The following GPATCH2L variants were observed in gnomAD, a reference collection of about 807,000 sequenced individuals.
GPATCH2L encodes the protein G patch domain-containing protein 2-like.
GPATCH2L carries 31 observed loss-of-function variants against 57.4 expected under a neutral mutation model. The ratio of observed to expected loss-of-function variants is 0.54; its 90% CI spans 0.41 to 0.73. GPATCH2L has a LOEUF of 0.73. Among genes scored for constraint, GPATCH2L ranks in the 30% least tolerant of loss-of-function variants. GPATCH2L has a pLI of 0.00. For synonymous variants in GPATCH2L, 199 were observed against 210.7 expected, an observed-to-expected ratio of 0.94 and a Z score of 0.48; for missense variants, 481 against 599.9, an observed-to-expected ratio of 0.80 and a Z score of 2.07.
Position 76,154,885 on chromosome 14 carries a change from T to C in GPATCH2L, c.522T>C (p.Asn174=). The change falls in exon 2 of 10, where the codon AAT becomes AAC. Residue 174 remains asparagine, a synonymous_variant. Coordinates refer to ENST00000261530, the MANE Select transcript of GPATCH2L (RefSeq NM_017926.4). The surrounding 1 kb of genome is among the most constrained non-coding windows in gnomAD (Gnocchi z 4.4). ...AGCGTCTGTCCCGCTGGAAGGAGAA[T>C]ACTCCCTGGACCTCATCAGGCCACG... The part of the protein sequence containing the change: ...KKQRLSRWKE[N]TPWTSSGHGL... 1 of 1,614,188 alleles carries C rather than the reference T, an allele frequency of 6.2e-7. No homozygotes were observed. Among genetic ancestry groups the C allele is most frequent in the Non-Finnish European group, 8.5e-7 (1 of 1,180,014 alleles).
intron 2 of GPATCH2L, among the ~76,000 whole-genome samples, chr14:76,233,431 T>A (rs989470464): frequency 1.3e-5 from 2 of 152,214 alleles, no homozygotes; most frequent in Non-Finnish European, 2.9e-5. Flanking sequence ...GGGAAAATAC[T>A]TGCCCATCTT....
At chr14:76,225,912 T>C (rs2040534714) in intron 1 of GPATCH2L, among the ~76,000 whole-genome samples, 1 of 152,182 alleles carries the variant, frequency 6.6e-6, no homozygotes, top group Non-Finnish European at 1.5e-5. Context: ...CCCAATGCGA[T>C]ATTACTACAT....
chr14:76,225,330 G>A (rs1353766294), intron 1 of GPATCH2L, among the ~76,000 whole-genome samples: 3 of 152,070 alleles, frequency 2.0e-5, no homozygotes, highest in Non-Finnish European at 4.4e-5. Context: ...CTTAACTGAG[G>A]ACAAAGGTAA....
rs911057553 is a variant in GPATCH2L, at chr14:76,213,531, C to T, written c.*11680C>T. The T allele has an allele frequency of 5.3e-5, 8 of 151,970 alleles. No individual in the cohort carries two copies. The highest frequency in any genetic ancestry group is 1.0e-4 in the Non-Finnish European group (7 of 67,994). The allele number at this position is 151,970 out of a possible 1,614,324, so 9.4% of individuals were successfully genotyped here. ...CATGGAATGGAATTTATTGTAAAGA[C>T]GTGTATTTTATAGAATCCAAGCAAA... is the stretch of plus-strand genomic sequence containing the variant. On this transcript the variant is annotated 3_prime_UTR_variant, in exon 10 of 10. Coordinates refer to ENST00000261530, the MANE Select transcript of GPATCH2L (RefSeq NM_017926.4).
intron 2 of GPATCH2L, among the ~76,000 whole-genome samples, chr14:76,156,714 A>G (rs976873233): frequency 1.3e-5 from 2 of 152,188 alleles, no homozygotes; most frequent in Non-Finnish European, 2.9e-5. Context: ...GCCTTTTGGG[A>G]TAGTAGCTTT....
chr14:76,189,195 G>A (rs2039876886), intron 8 of GPATCH2L, among the ~76,000 whole-genome samples: 1 of 151,960 alleles, frequency 6.6e-6, no homozygotes, highest in African/African-American at 2.4e-5. Context: ...TGGGTCTCTT[G>A]TGGCTGCATA....
intron 2 of GPATCH2L, among the ~76,000 whole-genome samples, chr14:76,162,157 T>C (rs2038619392): frequency 6.6e-6 from 1 of 152,174 alleles, no homozygotes; most frequent in African/African-American, 2.4e-5. Flanking sequence ...ATAGTCTAAC[T>C]GTTGGCAGGG....
intron 3 of GPATCH2L, among the ~76,000 whole-genome samples, chr14:76,168,122 C>T (rs1020802775): frequency 3.3e-5 from 5 of 152,344 alleles, no homozygotes; most frequent in Admixed American, 1.3e-4. Flanking sequence ...GCGTTCTCAA[C>T]GTAAAGCTAT....
In GPATCH2L at chr14:76,180,766, C is replaced by G. The variant is rs756638412; in HGVS notation, c.1110C>G (p.Phe370Leu). The G allele has an allele frequency of 3.1e-6, 5 of 1,606,664 alleles. 1 individual carries two copies. The South Asian group carries it at 5.5e-5, about 18-fold the overall frequency. ...FPHISACAHE[F>L]NPLSPLYSLD... ...AATAGTCTTATTCATTCCTGCAGTT[C>G]AATCCCCTGTCTCCCCTTTACTCCC... The change falls in exon 8 of 10, where the codon TTC (phenylalanine) becomes TTG (leucine). Residue 370 changes from phenylalanine to leucine, a missense_variant and splice_region_variant. This residue lies in a region of GPATCH2L where 248 missense variants were observed against 270.5 expected (regional missense o/e 0.92). Transcript: ENST00000261530.
chr14:76,221,144 A>G (rs2040513332), intron 1 of GPATCH2L, among the ~76,000 whole-genome samples: 2 of 152,136 alleles, frequency 1.3e-5, no homozygotes, highest in East Asian at 3.9e-4. Flanking sequence ...AAACTGTAAA[A>G]AGAACTCTTA....
rs142014715 is a variant in GPATCH2L, at chr14:76,189,785, A to G, written c.1194-6093A>G. On this transcript the variant is annotated intron_variant, in intron 8 of 9. Transcript: ENST00000261530. ...GCATCCTTATCATGTTCCATATCTT[A>G]GAAGAGAGGCCTTTCAGTTTTTCCC... 4.9e-3 allele frequency among the ~76,000 whole-genome samples: 742 copies of G among 152,222 alleles called. 9 individuals are homozygous for G. The highest frequency in any genetic ancestry group is 0.017 in the African/African-American group (693 of 41,520).
In GPATCH2L at chr14:76,190,522, TG is replaced by T. The variant is rs539645491; in HGVS notation, c.1194-5355del. ...GCGTATACCCCAGGTTTCGCTGGCC[TG>T]AGTGAAGATTGTCCCTGAGGCCCTG... On this transcript the variant is annotated intron_variant, in intron 8 of 9. Transcript: ENST00000261530. Among the ~76,000 whole-genome samples the T allele has an allele frequency of 3.9e-5, 6 of 152,280 alleles. No individual in the cohort carries two copies. In the South Asian group the frequency reaches 1.2e-3, roughly 32 times the overall value.
rs1171611848 is a variant in GPATCH2L at position 76,214,215 on chromosome 14, A to G, written c.*12364A>G. The G allele has an allele frequency of 6.6e-6, 1 of 152,214 alleles. No individual in the cohort carries two copies. Among genetic ancestry groups the G allele is most frequent in the Non-Finnish European group, 1.5e-5 (1 of 68,030 alleles). The allele number at this position is 152,214 out of a possible 1,614,324, so 9.4% of individuals were successfully genotyped here. On this transcript the variant is annotated 3_prime_UTR_variant, in exon 10 of 10. Transcript: ENST00000261530. ...AAATGTGGTGTCATCCTATCCAAGA[A>G]TAGGAGATGTATTTCCATTTATTCA...
intron 9 of GPATCH2L, chr14:76,196,256 G>A: frequency 1.6e-6 from 1 of 612,364 alleles, no homozygotes; most frequent in Non-Finnish European, 2.9e-6. Context: ...AGGAAATTAG[G>A]TCCATGTTAA....
chr14:76,195,626 A>T (rs907976828), intron 8 of GPATCH2L, among the ~76,000 whole-genome samples: 12 of 152,216 alleles, frequency 7.9e-5, no homozygotes, highest in African/African-American at 2.9e-4. Context: ...AATGCAACAC[A>T]TATTTATTGA....
At chr14:76,234,431 G>A (rs565164743) in intron 2 of GPATCH2L, 1 of 152,310 alleles carries the variant, frequency 6.6e-6, no homozygotes, top group African/African-American at 2.4e-5. Context: ...TGTGGCAAAG[G>A]TGATGAGATG....
intron 2 of GPATCH2L, among the ~76,000 whole-genome samples, chr14:76,165,341 A>T (rs182699430): frequency 6.6e-6 from 1 of 151,946 alleles, no homozygotes; most frequent in East Asian, 1.9e-4. Context: ...AAAATACAAA[A>T]ATTAGCTGGG....
At chr14:76,227,141 C>T (rs1261714785) in intron 1 of GPATCH2L, among the ~76,000 whole-genome samples, 1 of 152,118 alleles carries the variant, frequency 6.6e-6, no homozygotes, top group African/African-American at 2.4e-5. Context: ...CCTTGAGGGC[C>T]CATGGCATTT....
chr14:76,163,496 C>G lies in GPATCH2L; in HGVS notation c.663-3167C>G, dbSNP rs562895218. 7.9e-5 allele frequency among the ~76,000 whole-genome samples: 12 copies of G among 152,210 alleles called. No homozygotes were observed. In the South Asian group the frequency reaches 2.5e-3, roughly 32 times the overall value. On this transcript the variant is annotated intron_variant, in intron 2 of 9. Coordinates refer to ENST00000261530, the MANE Select transcript of GPATCH2L (RefSeq NM_017926.4). ...CAGGAAAAATAATAGATTTCATAGGCCACATTTTGTTTTTCCATTTAAAAT... is the reference window on the plus strand; with the variant it reads ...CAGGAAAAATAATAGATTTCATAGGGCACATTTTGTTTTTCCATTTAAAAT...
Sources: allele counts gnomAD v4.1 joint callset (sites outside exome capture counted in the v4.1 genomes callset), GRCh38; gene constraint gnomAD v4.1.1; regional missense constraint gnomAD v4.1.1; non-coding constraint Gnocchi (gnomAD v3.1); transcripts MANE v1.5; gene names NCBI Gene and HGNC (gene_info 2026-07-23, HGNC 2026-07-21).